Variants in MSL2 observed in about 807,000 individuals in gnomAD.
The protein encoded by MSL2 is MSL complex subunit 2, also known as E3 ubiquitin-protein ligase MSL2.
MSL2 carries 2 observed loss-of-function variants against 35.8 expected under a neutral mutation model. That is an observed-to-expected ratio of 0.06 (90% CI 0.02 to 0.18). The LOEUF is 0.18. MSL2 is among the 10% of genes least tolerant of loss of function. The pLI, the probability that MSL2 is intolerant of heterozygous loss-of-function variation, is 1.00. For synonymous variants in MSL2, 296 were observed against 255.7 expected, an observed-to-expected ratio of 1.16 and a Z score of -1.50; for missense variants, 523 against 706.7, an observed-to-expected ratio of 0.74 and a Z score of 2.95.
chr3:136,170,866 C>A (rs1375478725), intron 1 of MSL2, among the ~76,000 whole-genome samples: 1 of 151,946 alleles, frequency 6.6e-6, no homozygotes, highest in Non-Finnish European at 1.5e-5. Flanking sequence ...CTCAAACTGG[C>A]AGGGGGATAC....
chr3:136,177,081 G>A lies in MSL2; in HGVS notation c.142+17891C>T, dbSNP rs978952085. ...TGAGCAGCACTTAAAACCTGTTACT[G>A]TAAACCTCCACCCACTTTATTTTAG... On this transcript the variant is annotated intron_variant, in intron 1 of 1. Transcript: ENST00000309993. Among the ~76,000 whole-genome samples, 5 of 152,088 alleles carry A rather than the reference G, an allele frequency of 3.3e-5. No individual in the cohort carries two copies. The East Asian group carries it at 5.8e-4, about 18-fold the overall frequency.
intron 1 of MSL2, among the ~76,000 whole-genome samples, chr3:136,173,167 T>TAAAC (rs754150183): frequency 4.6e-5 from 7 of 151,978 alleles, no homozygotes; most frequent in East Asian, 1.9e-4. Context: ...TGTCTCAAAA[T>TAAAC]AAACAAACAA....
chr3:136,173,141 C>T (rs940149995), intron 1 of MSL2, among the ~76,000 whole-genome samples: 7 of 152,108 alleles, frequency 4.6e-5, no homozygotes, highest in Admixed American at 2.6e-4. Flanking sequence ...CCAGCCTGGG[C>T]GACAGAGCAA....
intron 1 of MSL2, among the ~76,000 whole-genome samples, chr3:136,165,543 T>G (rs1939822831): frequency 6.6e-6 from 1 of 152,206 alleles, no homozygotes; most frequent in Non-Finnish European, 1.5e-5. Context: ...GATAATTAAT[T>G]TACTAAGATA....
At chr3:136,180,904 G>A (rs548021812) in intron 1 of MSL2, among the ~76,000 whole-genome samples, 6 of 151,366 alleles carry the variant, frequency 4.0e-5, no homozygotes, top group African/African-American at 2.4e-5. Context: ...AGCACTTTGC[G>A]GGGCGGGGGA....
chr3:136,178,007 G>A (rs898366590), intron 1 of MSL2, among the ~76,000 whole-genome samples: 12 of 151,878 alleles, frequency 7.9e-5, no homozygotes, highest in African/African-American at 2.7e-4. Flanking sequence ...CACTTTTGAC[G>A]AATAAGTTTC....
chr3:136,169,894 T>C (rs1481389341), intron 1 of MSL2, among the ~76,000 whole-genome samples: 4 of 151,612 alleles, frequency 2.6e-5, no homozygotes, highest in Non-Finnish European at 5.9e-5. Context: ...TCATCTCTAC[T>C]AAAAATAAAA....
chr3:136,153,415 T>G (rs1345271048), intron 1 of MSL2, among the ~76,000 whole-genome samples: 2 of 152,194 alleles, frequency 1.3e-5, no homozygotes, highest in East Asian at 3.8e-4. Context: ...TAGAAAAGTA[T>G]CTTCACAGAA....
chr3:136,160,297 AAGAG>A (rs1939665262), intron 1 of MSL2, among the ~76,000 whole-genome samples: 1 of 122,736 alleles, frequency 8.1e-6, no homozygotes, highest in Admixed American at 8.4e-5. Context: ...AAAAAAAAAA[AAGAG>A]GGAAGGAAGG....
intron 1 of MSL2, among the ~76,000 whole-genome samples, chr3:136,185,152 T>C (rs1940482767): frequency 6.6e-6 from 1 of 152,208 alleles, no homozygotes; most frequent in African/African-American, 2.4e-5. Flanking sequence ...TTTTTTGTAT[T>C]TTTAATAGAG....
chr3:136,182,678 T>G (rs1408596748), intron 1 of MSL2, among the ~76,000 whole-genome samples: 1 of 148,964 alleles, frequency 6.7e-6, no homozygotes, highest in Non-Finnish European at 1.5e-5. Context: ...AGCGCACCAC[T>G]GCACTCCAGC....
Position 136,151,951 on chromosome 3 carries a change from A to C in MSL2, c.930T>G (p.Ser310=), listed in dbSNP as rs1051542912. Residue 310 remains serine, a synonymous_variant, in exon 2 of 2, where the codon TCT becomes TCG. Coordinates refer to ENST00000309993, the MANE Select transcript of MSL2 (RefSeq NM_018133.4). The surrounding 1 kb of genome is among the most constrained non-coding windows in gnomAD (Gnocchi z 5.2). The part of the protein sequence containing the change: ...NGPFLQLSSQ[S]LSHNVFMSTS... Reference sequence around the variant, plus strand: ...TGGACATAAAAACATTATGGCTAAGAGACTGGGAAGAAAGCTGCAGAAAAG... The same window carrying C: ...TGGACATAAAAACATTATGGCTAAGCGACTGGGAAGAAAGCTGCAGAAAAG... 6.2e-7 allele frequency: 1 copy of C among 1,614,120 alleles called. No homozygotes were observed. The highest frequency in any genetic ancestry group is 8.5e-7 in the Non-Finnish European group (1 of 1,180,050).
In MSL2 at chr3:136,195,191, G is replaced by T. The variant is rs189207100; in HGVS notation, c.-78C>A. On this transcript the variant is annotated 5_prime_UTR_variant, in exon 1 of 2. Coordinates refer to ENST00000309993, the MANE Select transcript of MSL2 (RefSeq NM_018133.4). ...ACTTAGTAAGCAGCCAGGGAACGATGGCGAATTTGCAACAATTCGGAAGAA... is the reference window on the plus strand; with the variant it reads ...ACTTAGTAAGCAGCCAGGGAACGATTGCGAATTTGCAACAATTCGGAAGAA... The T allele has an allele frequency of 4.5e-6, 7 of 1,544,974 alleles. No individual in the cohort carries two copies. The South Asian group carries it at 8.6e-5, about 19-fold the overall frequency.
At chr3:136,158,190 T>C (rs773461303) in intron 1 of MSL2, among the ~76,000 whole-genome samples, 3 of 151,960 alleles carry the variant, frequency 2.0e-5, no homozygotes, top group African/African-American at 7.3e-5. Flanking sequence ...CGCATGCCTG[T>C]AATCCCAGCT....
chr3:136,185,080 T>C (rs1219633150), intron 1 of MSL2, among the ~76,000 whole-genome samples: 1 of 152,156 alleles, frequency 6.6e-6, no homozygotes, highest in African/African-American at 2.4e-5. Context: ...GTTCAGGCAA[T>C]TCTCCTGCCT....
At chr3:136,189,108 CAAAAAAAAAAA>C (rs372715974) in intron 1 of MSL2, among the ~76,000 whole-genome samples, 14,716 of 38,390 alleles carry the variant, frequency 0.38, 1,285 homozygotes, top group Non-Finnish European at 0.48. Context: ...CCTGTCTCTA[CAAAAAAAAAAA>C]AAAAAAAAAA....
intron 1 of MSL2, among the ~76,000 whole-genome samples, chr3:136,169,101 A>G (rs762409809): frequency 3.4e-4 from 52 of 152,092 alleles, no homozygotes; most frequent in Middle Eastern, 3.4e-3. Flanking sequence ...TTTATCTTGG[A>G]AAGGCACTCT....
intron 1 of MSL2, among the ~76,000 whole-genome samples, chr3:136,170,993 C>A (rs1044631348): frequency 5.9e-5 from 9 of 152,166 alleles, no homozygotes; most frequent in Non-Finnish European, 1.5e-5. Context: ...AAGTATTCTA[C>A]TTTCTGTTCC....
At chr3:136,159,343 GAGAGT>G (rs1287230718) in intron 1 of MSL2, among the ~76,000 whole-genome samples, 3 of 147,952 alleles carry the variant, frequency 2.0e-5, no homozygotes, top group African/African-American at 7.6e-5. Flanking sequence ...ATGGGGAAAG[GAGAGT>G]ACTTTCTTTT....
Sources: gnomAD v4.1 joint callset for allele counts (sites outside exome capture counted in the v4.1 genomes callset) on GRCh38, gnomAD v4.1.1 for gene constraint, Gnocchi (gnomAD v3.1) non-coding constraint, MANE v1.5 for transcripts, NCBI Gene and HGNC (gene_info 2026-07-23, HGNC 2026-07-21) for gene names.